MYH10: variants seen among roughly 807,000 people sequenced by gnomAD.
The protein encoded by MYH10 is myosin-10.
In MYH10, 55 loss-of-function variants were observed where a neutral mutation model predicts 257.8. That is an observed-to-expected ratio of 0.21 (90% confidence interval 0.17 to 0.27). MYH10 has a LOEUF of 0.27. MYH10 is among the 10% of genes least tolerant of loss of function. MYH10 has a pLI of 1.00. For missense variants in MYH10, 1,631 were observed against 2,500.6 expected (o/e 0.65, Z 7.42); for synonymous variants, 854 against 921.7 (o/e 0.93, Z 1.33).
chr17:8,532,605 A>G (rs1466875519), intron 16 of MYH10, among the ~76,000 whole-genome samples: 3 of 152,132 alleles, frequency 2.0e-5, no homozygotes, highest in Non-Finnish European at 2.9e-5. Context: ...CTTCTGACCT[A>G]TTGTTGCCAA....
At chr17:8,520,761 A>T in intron 19 of MYH10, 117 bp downstream of exon 19, 1 of 1,142,200 alleles carries the variant, frequency 8.8e-7, no homozygotes, top group Non-Finnish European at 1.2e-6. Context: ...TGTTTGCTAT[A>T]TAAGAAAACA....
At chr17:8,488,062 T>G (rs1202353445) in intron 35 of MYH10, among the ~76,000 whole-genome samples, 1 of 152,070 alleles carries the variant, frequency 6.6e-6, no homozygotes, top group African/African-American at 2.4e-5. Context: ...GAAACTGCCT[T>G]TGATCAGCAG....
At chr17:8,629,628 A>G (rs1235552728) in intron 1 of MYH10, among the ~76,000 whole-genome samples, 2 of 152,066 alleles carry the variant, frequency 1.3e-5, no homozygotes, top group African/African-American at 4.8e-5. Context: ...AACCAATTCC[A>G]GTCCGATTTT....
chr17:8,611,227 G>A (rs377614291), intron 2 of MYH10, among the ~76,000 whole-genome samples: 5 of 152,142 alleles, frequency 3.3e-5, no homozygotes, highest in Non-Finnish European at 5.9e-5. Context: ...CTCACACAGC[G>A]TGAAGCCCAG....
chr17:8,557,877 A>G (rs1258481509), intron 7 of MYH10, among the ~76,000 whole-genome samples: 1 of 152,224 alleles, frequency 6.6e-6, no homozygotes, highest in Admixed American at 6.5e-5. Flanking sequence ...GGATTTCTTT[A>G]GAAGTTAGGA....
intron 1 of MYH10, among the ~76,000 whole-genome samples, chr17:8,625,142 T>TTTGGGAGGCCGAGG (rs2085623882): frequency 6.6e-6 from 1 of 151,996 alleles, no homozygotes; most frequent in Admixed American, 6.6e-5. Context: ...TCCCAGCCAC[T>TTTGGGAGGCCGAGG]CAGGAGGCTG....
intron 2 of MYH10, among the ~76,000 whole-genome samples, chr17:8,609,791 G>A (rs2084955304): frequency 6.6e-6 from 1 of 151,938 alleles, no homozygotes; most frequent in Non-Finnish European, 1.5e-5. Flanking sequence ...AAAAGAAAAT[G>A]ACGTTACAAA....
chr17:8,531,835 AAAT>A (rs1253008281), intron 16 of MYH10, among the ~76,000 whole-genome samples: 4 of 152,234 alleles, frequency 2.6e-5, no homozygotes, highest in African/African-American at 7.2e-5. Context: ...AAAAAGAGGA[AAAT>A]AATGTTTTTC....
intron 2 of MYH10, among the ~76,000 whole-genome samples, chr17:8,617,547 A>G (rs1298821317): frequency 2.0e-5 from 3 of 152,172 alleles, no homozygotes; most frequent in Non-Finnish European, 2.9e-5. Flanking sequence ...TAAATCAGAC[A>G]TTATCTAGAA....
rs531479190 is a variant in MYH10, at chr17:8,606,958, C to T, written c.346-1976G>A. 4.6e-5 allele frequency among the ~76,000 whole-genome samples: 7 copies of T among 152,302 alleles called. No individual in the cohort carries two copies. In the South Asian group the frequency reaches 1.5e-3, roughly 32 times the overall value. ...CCCAGACCAACACCTTGCACTTTCTCCCAATCAAGTCTCTTGTCTATCTAG... is the reference window on the plus strand; with the variant it reads ...CCCAGACCAACACCTTGCACTTTCTTCCAATCAAGTCTCTTGTCTATCTAG... On this transcript the variant is annotated intron_variant, in intron 2 of 42. Coordinates refer to ENST00000360416, the MANE Select transcript of MYH10 (RefSeq NM_001256012.3).
At chr17:8,497,738 C>CAAAAAAAAAAAAAAAA (rs559562540) in intron 30 of MYH10, among the ~76,000 whole-genome samples, 1 of 56,874 alleles carries the variant, frequency 1.8e-5, no homozygotes, top group Non-Finnish European at 2.9e-5. Context: ...GACTCTGTCT[C>CAAAAAAAAAAAAAAAA]AAAAAAAAAA....
In MYH10 at chr17:8,480,327, G is replaced by A. The variant is rs776412788; in HGVS notation, c.5389-9C>T. 5.6e-6 allele frequency: 9 copies of A among 1,613,714 alleles called. No individual in the cohort carries two copies. Among genetic ancestry groups the A allele is most frequent in the Middle Eastern group, 3.3e-4 (2 of 6,082 alleles). On this transcript the variant is annotated splice_polypyrimidine_tract_variant and intron_variant, in intron 39 of 42. Coordinates refer to ENST00000360416, the MANE Select transcript of MYH10 (RefSeq NM_001256012.3). ...GCGTTCAGTGTGTCCACCTAGAGAG[G>A]AGAGAGGAGTTTAGTCACTTGTGCC...
Position 8,551,160 on chromosome 17 carries a change from T to TA in MYH10, c.919+885_919+886insT, listed in dbSNP as rs1567888126. ...AATAAAAAATAAATAAATAATAAAT[T>TA]TAAAAAAAAAAAAAAAGAATTTACT... On this transcript the variant is annotated intron_variant, in intron 9 of 42. Transcript: ENST00000360416. 1.0e-3 allele frequency among the ~76,000 whole-genome samples: 103 copies of TA among 99,610 alleles called. 1 individual carries two copies. The highest frequency in any genetic ancestry group is 1.7e-3 in the East Asian group (5 of 2,978). 65.3% of individuals were successfully genotyped at this position (99,610 alleles called of 152,430 possible). A position where few individuals can be genotyped will look rare whatever the true frequency, so the allele number is the denominator to read the frequency against.
In MYH10 at chr17:8,534,441, A is replaced by T. The variant is rs184019084; in HGVS notation, c.1894+946T>A. ...GATGGACACAGTCATTCTTAAGATG[A>T]TCTTTTATAGGGTCACATTCCCCCT... On this transcript the variant is annotated intron_variant, in intron 16 of 42. Transcript: ENST00000360416. Among the ~76,000 whole-genome samples the T allele has an allele frequency of 1.5e-4, 23 of 152,128 alleles. No individual in the cohort carries two copies. The East Asian group carries it at 3.9e-3, about 26-fold the overall frequency.
At chr17:8,589,218 C>G in intron 3 of MYH10, 110 bp from the exon 4 acceptor site, 1 of 1,115,316 alleles carries the variant, frequency 9.0e-7, no homozygotes. Context: ...TTAGTAACTA[C>G]TCCTCTCGAG....
At chr17:8,539,036 C>A (rs1476613530) in intron 14 of MYH10, among the ~76,000 whole-genome samples, 3 of 152,036 alleles carry the variant, frequency 2.0e-5, no homozygotes, top group African/African-American at 7.3e-5. Context: ...ATAAAAAAGC[C>A]AGTTTGGCCA....
intron 35 of MYH10, among the ~76,000 whole-genome samples, chr17:8,488,622 A>T (rs959540943): frequency 1.1e-4 from 16 of 152,192 alleles, no homozygotes; most frequent in African/African-American, 3.4e-4. Flanking sequence ...AAAGAGGATG[A>T]TGGCTGGTGT....
intron 6 of MYH10, among the ~76,000 whole-genome samples, chr17:8,571,323 C>T (rs576813739): frequency 4.0e-5 from 6 of 151,482 alleles, no homozygotes; most frequent in African/African-American, 1.5e-4. Flanking sequence ...TACAGGCACC[C>T]GCCACCATGC....
At chr17:8,501,057 T>C (rs1195677919) in intron 28 of MYH10, 87 bp from the exon 29 acceptor site, 43 of 1,354,116 alleles carry the variant, frequency 3.2e-5, no homozygotes, top group Non-Finnish European at 4.2e-5. Flanking sequence ...TGTTTTTGTT[T>C]TAAATATTAC....
Sources: allele counts gnomAD v4.1 joint callset (sites outside exome capture counted in the v4.1 genomes callset), GRCh38; gene constraint gnomAD v4.1.1; transcripts MANE v1.5; gene names NCBI Gene and HGNC (gene_info 2026-07-23, HGNC 2026-07-21).